Variants in ANO1 observed in about 807,000 individuals in gnomAD.
ANO1 encodes anoctamin-1.
ANO1 carries 59 observed loss-of-function variants against 124.0 expected under a neutral mutation model. That is an observed-to-expected ratio of 0.48 (90% CI 0.39 to 0.59). The LOEUF is 0.59. Ranked by LOEUF, ANO1 falls within the 20% of genes least tolerant of loss-of-function variation. The pLI, the probability that ANO1 is intolerant of heterozygous loss-of-function variation, is 0.00. For synonymous variants in ANO1, 529 were observed against 532.0 expected, an observed-to-expected ratio of 0.99 and a Z score of 0.08; for missense variants, 1,059 against 1,328.0, an observed-to-expected ratio of 0.80 and a Z score of 3.15.
At chr11:70,026,136 T>C (rs565522165) in intron 1 of ANO1, among the ~76,000 whole-genome samples, 13 of 149,768 alleles carry the variant, frequency 8.7e-5, no homozygotes, top group African/African-American at 3.2e-4. Context: ...CTGGTGGTAG[T>C]GGTGATGACA....
At chr11:70,069,599 C>T (rs1324671815) in intron 1 of ANO1, among the ~76,000 whole-genome samples, 5 of 151,942 alleles carry the variant, frequency 3.3e-5, no homozygotes, top group Non-Finnish European at 5.9e-5. Flanking sequence ...GTTTAAGAAG[C>T]AGGGATGCTG....
intron 1 of ANO1, among the ~76,000 whole-genome samples, chr11:70,014,384 A>G (rs1201890832): frequency 1.3e-5 from 2 of 151,616 alleles, no homozygotes; most frequent in Non-Finnish European, 2.9e-5. Flanking sequence ...TTTGATGTCA[A>G]CATCAATGCC....
chr11:70,146,932 C>T (rs2047400144), intron 11 of ANO1, among the ~76,000 whole-genome samples: 1 of 152,230 alleles, frequency 6.6e-6, no homozygotes, highest in African/African-American at 2.4e-5. Flanking sequence ...ATGGTGCCCA[C>T]CCAGATGAAG....
At chr11:69,967,152 G>C in the ANO1 span, among the ~76,000 whole-genome samples, 1 of 21,168 alleles carries the variant, frequency 4.7e-5, no homozygotes, top group African/African-American at 8.3e-5. Flanking sequence ...CACGCTGTCT[G>C]TATCGCACGT....
chr11:70,027,642 G>C (rs1555003373), intron 1 of ANO1, among the ~76,000 whole-genome samples: 1 of 152,210 alleles, frequency 6.6e-6, no homozygotes, highest in Non-Finnish European at 1.5e-5. Flanking sequence ...GTCTGTAATT[G>C]AATCAACAGC....
At chr11:70,031,019 A>G (rs1215721390) in intron 1 of ANO1, among the ~76,000 whole-genome samples, 1 of 152,206 alleles carries the variant, frequency 6.6e-6, no homozygotes, top group Non-Finnish European at 1.5e-5. Context: ...ATCTCAGCTC[A>G]CTGCAACCTC....
At chr11:69,973,659 G>A in the ANO1 span, among the ~76,000 whole-genome samples, 22 of 152,066 alleles carry the variant, frequency 1.4e-4, no homozygotes, top group African/African-American at 5.3e-4. Context: ...GGATCACAAG[G>A]TCAGGAGTTC....
intron 1 of ANO1, among the ~76,000 whole-genome samples, chr11:70,082,306 T>C (rs987001418): frequency 6.6e-6 from 1 of 152,162 alleles, no homozygotes; most frequent in Non-Finnish European, 1.5e-5. Flanking sequence ...CACCTCTAAA[T>C]CCAGCACCTT....
At chr11:70,187,383 G>T (rs1284646872) in intron 25 of ANO1, among the ~76,000 whole-genome samples, 1 of 152,228 alleles carries the variant, frequency 6.6e-6, no homozygotes, top group Admixed American at 6.5e-5. Context: ...TGATCCATTT[G>T]TGGCTATTTC....
upstream of ANO1, among the ~76,000 whole-genome samples, chr11:69,982,882 G>A (rs72931764): frequency 0.076 from 11,498 of 152,238 alleles, 762 homozygotes; most frequent in Admixed American, 0.14. Context: ...GAGATCATGC[G>A]AAATCAGCAT....
chr11:70,134,295 C>G (rs1048846112), intron 11 of ANO1, among the ~76,000 whole-genome samples: 1 of 152,166 alleles, frequency 6.6e-6, no homozygotes, highest in Admixed American at 6.5e-5. Flanking sequence ...GCATGACCCA[C>G]AAGTAAGTGT....
intron 7 of ANO1, among the ~76,000 whole-genome samples, chr11:70,115,216 C>G (rs955366612): frequency 1.3e-5 from 2 of 152,094 alleles, no homozygotes; most frequent in Non-Finnish European, 2.9e-5. Context: ...TCGTCCCCAC[C>G]TGGCAGGGGT....
chr11:70,142,549 A>T (rs1286825504), intron 11 of ANO1, among the ~76,000 whole-genome samples: 1 of 151,860 alleles, frequency 6.6e-6, no homozygotes, highest in Non-Finnish European at 1.5e-5. Context: ...TCCCCAGGAG[A>T]CCCCTCTCTA....
intron 1 of ANO1, among the ~76,000 whole-genome samples, chr11:70,032,798 G>GA (rs1380527875): frequency 6.6e-6 from 1 of 151,830 alleles, no homozygotes; most frequent in Non-Finnish European, 1.5e-5. Context: ...CTTTGTAAAA[G>GA]AAAAAACAGA....
intron 23 of ANO1, among the ~76,000 whole-genome samples, chr11:70,181,717 A>C (rs1026673995): frequency 6.6e-6 from 1 of 151,914 alleles, no homozygotes; most frequent in Non-Finnish European, 1.5e-5. Context: ...GCTTGAGGCG[A>C]GGAATTCAAG....
At chr11:70,149,259 C>T (rs895903206) in intron 11 of ANO1, among the ~76,000 whole-genome samples, 1 of 152,212 alleles carries the variant, frequency 6.6e-6, no homozygotes, top group Non-Finnish European at 1.5e-5. Context: ...AGAATGACGG[C>T]TCTTGCCTCA....
At chr11:70,021,805 T>C (rs1484263372) in intron 1 of ANO1, among the ~76,000 whole-genome samples, 1 of 152,170 alleles carries the variant, frequency 6.6e-6, no homozygotes, top group Non-Finnish European at 1.5e-5. Flanking sequence ...TCCACTGCCC[T>C]GCCAGGAGCC....
the ANO1 span, among the ~76,000 whole-genome samples, chr11:69,972,833 T>C: frequency 1.3e-5 from 2 of 152,068 alleles, no homozygotes; most frequent in African/African-American, 4.8e-5. Flanking sequence ...TTCAGGCCTC[T>C]ACACACACCC....
chr11:70,031,230 C>A (rs1251582759), intron 1 of ANO1, among the ~76,000 whole-genome samples: 2 of 152,194 alleles, frequency 1.3e-5, no homozygotes, highest in Non-Finnish European at 2.9e-5. Context: ...CAGGTGTGAG[C>A]CACTGATCCA....
Sources: allele counts gnomAD v4.1 joint callset (sites outside exome capture counted in the v4.1 genomes callset), GRCh38; gene constraint gnomAD v4.1.1; transcripts MANE v1.5; gene names NCBI Gene and HGNC (gene_info 2026-07-23, HGNC 2026-07-21).